Variants in EVI5 observed in about 807,000 individuals in gnomAD.
EVI5 encodes ecotropic viral integration site 5 protein homolog.
EVI5 carries 73 observed loss-of-function variants against 112.0 expected under a neutral mutation model. The observed-to-expected ratio is 0.65, with a 90% CI of 0.54 to 0.79. EVI5 has a LOEUF of 0.79. EVI5 is among the 30% of genes least tolerant of loss of function. The pLI, the probability that EVI5 is intolerant of heterozygous loss-of-function variation, is 0.00. For missense variants in EVI5, 900 were observed against 968.8 expected (o/e 0.93, Z 0.94); for synonymous variants, 305 against 319.9 (o/e 0.95, Z 0.50).
Position 92,633,195 on chromosome 1 carries a change from C to G in EVI5, c.1527+3007G>C, listed in dbSNP as rs534948729. Among the ~76,000 whole-genome samples, 360 of 152,224 alleles carry G rather than the reference C, an allele frequency of 2.4e-3. 1 individual carries two copies. The highest frequency in any genetic ancestry group is 7.4e-3 in the African/African-American group (308 of 41,546). The stretch of plus-strand genomic sequence containing the variant: ...CTGTAGATGTCTATTAGGTCCACTT[C>G]GTGCAGAGCTGAGTTCAATTCCTGG... On this transcript the variant is annotated intron_variant, in intron 14 of 19. Coordinates refer to ENST00000684568, the MANE Select transcript of EVI5 (RefSeq NM_001350197.2).
chr1:92,618,984 G>T (rs1316533645), intron 16 of EVI5, among the ~76,000 whole-genome samples: 6 of 152,086 alleles, frequency 3.9e-5, no homozygotes, highest in Non-Finnish European at 7.4e-5. Flanking sequence ...ATTATGTTAG[G>T]CATAATTATT....
At chr1:92,565,384 T>C (rs535579747) in intron 18 of EVI5, among the ~76,000 whole-genome samples, 5 of 152,326 alleles carry the variant, frequency 3.3e-5, no homozygotes, top group Admixed American at 2.6e-4. Context: ...AAGATACACA[T>C]TCTAACTTTA....
chr1:92,676,968 G>C (rs1224347752), intron 10 of EVI5, among the ~76,000 whole-genome samples, 190 bp downstream of exon 10: 2 of 152,128 alleles, frequency 1.3e-5, no homozygotes, highest in African/African-American at 4.8e-5. Context: ...GGAAGAGCTT[G>C]CTCTCCTTCA....
chr1:92,623,069 T>G (rs1571942256), intron 16 of EVI5, among the ~76,000 whole-genome samples: 1 of 37,744 alleles, frequency 2.6e-5, no homozygotes, highest in East Asian at 1.1e-3. Context: ...CAACAATGGC[T>G]TAAAAGCTGT....
intron 16 of EVI5, 21 bp from the exon 17 acceptor site, chr1:92,607,748 T>C (rs1650766358): frequency 1.3e-6 from 2 of 1,541,820 alleles, no homozygotes; most frequent in East Asian, 2.3e-5. Context: ...GAAATATAAA[T>C]ACTGAGACTA....
At chr1:92,783,521 A>C (rs1311219675) in intron 1 of EVI5, among the ~76,000 whole-genome samples, 1 of 150,974 alleles carries the variant, frequency 6.6e-6, no homozygotes, top group East Asian at 1.9e-4. Flanking sequence ...AAGAAAAGAA[A>C]AGAAAAAGAA....
At position 92,569,584 on chromosome 1, in the gene EVI5, G is replaced by A. The variant is rs377460692; in HGVS notation, c.2071-5847C>T. 5.9e-5 allele frequency among the ~76,000 whole-genome samples: 9 copies of A among 152,096 alleles called. No homozygotes were observed. The East Asian group carries it at 1.4e-3, about 23-fold the overall frequency. On this transcript the variant is annotated intron_variant, in intron 18 of 19. Coordinates refer to ENST00000684568, the MANE Select transcript of EVI5 (RefSeq NM_001350197.2). ...AAATGAAATATTTTGGGCCAGGCGCGGTGGCTCATGCCTGAAATCCCAGCA... is the reference window on the plus strand; with the variant it reads ...AAATGAAATATTTTGGGCCAGGCGCAGTGGCTCATGCCTGAAATCCCAGCA...
chr1:92,517,361 G>A (rs1660083809), intron 19 of EVI5, among the ~76,000 whole-genome samples: 1 of 152,114 alleles, frequency 6.6e-6, no homozygotes, highest in Non-Finnish European at 1.5e-5. Context: ...TACAGAACTT[G>A]AGCATCCATG....
At chr1:92,528,979 T>C (rs929730788) in intron 19 of EVI5, among the ~76,000 whole-genome samples, 5 of 152,186 alleles carry the variant, frequency 3.3e-5, no homozygotes, top group African/African-American at 4.8e-5. Context: ...TAAGAAATAA[T>C]ATCTATAAAA....
At position 92,695,891 on chromosome 1, in the gene EVI5, A is replaced by G. The variant is rs186542801; in HGVS notation, c.766-438T>C. On this transcript the variant is annotated intron_variant, in intron 6 of 19. Coordinates refer to ENST00000684568, the MANE Select transcript of EVI5 (RefSeq NM_001350197.2). The stretch of plus-strand genomic sequence containing the variant: ...AAAGAATAGGAAAAATATTCAAAAT[A>G]CAGATGTTTCAGCAACTCTAGTAAT... Among the ~76,000 whole-genome samples the G allele has an allele frequency of 2.6e-5, 4 of 152,248 alleles. No homozygotes were observed. In the East Asian group the frequency reaches 7.7e-4, roughly 29 times the overall value.
chr1:92,553,818 T>A (rs1345364022), intron 19 of EVI5, among the ~76,000 whole-genome samples: 1 of 152,202 alleles, frequency 6.6e-6, no homozygotes, highest in Non-Finnish European at 1.5e-5. Flanking sequence ...GAGAAACATA[T>A]TGCCTTGGAG....
chr1:92,596,529 ATAAT>A (rs1647928378), intron 18 of EVI5, among the ~76,000 whole-genome samples: 1 of 152,226 alleles, frequency 6.6e-6, no homozygotes, highest in Admixed American at 6.5e-5. Flanking sequence ...GTATCCTGGA[ATAAT>A]TAAAGTTGTT....
At chr1:92,780,394 A>G (rs1684710350) in intron 1 of EVI5, among the ~76,000 whole-genome samples, 1 of 152,292 alleles carries the variant, frequency 6.6e-6, no homozygotes, top group Non-Finnish European at 1.5e-5. Flanking sequence ...GCTGAAAGCC[A>G]AGGGGTTAAA....
chr1:92,594,060 G>GA (rs1239765063), intron 18 of EVI5, among the ~76,000 whole-genome samples: 2 of 151,958 alleles, frequency 1.3e-5, no homozygotes, highest in Non-Finnish European at 2.9e-5. Context: ...CACAGAACTG[G>GA]AAAAAACTAA....
chr1:92,613,583 C>T (rs891478262), intron 16 of EVI5, among the ~76,000 whole-genome samples: 5 of 151,996 alleles, frequency 3.3e-5, no homozygotes, highest in Non-Finnish European at 7.4e-5. Context: ...AGCCACCACG[C>T]CCAGCCATTT....
chr1:92,771,324 C>A (rs1408045341), intron 1 of EVI5, among the ~76,000 whole-genome samples: 1 of 152,074 alleles, frequency 6.6e-6, no homozygotes, highest in Non-Finnish European at 1.5e-5. Context: ...TTCCTACACA[C>A]ACTCCCAGAG....
intron 10 of EVI5, among the ~76,000 whole-genome samples, chr1:92,675,179 C>T (rs1016182617): frequency 6.6e-6 from 1 of 152,108 alleles, no homozygotes; most frequent in Non-Finnish European, 1.5e-5. Flanking sequence ...CCTGTCTCTA[C>T]CGAAAATACA....
chr1:92,743,081 G>C (rs1276034392), intron 1 of EVI5, among the ~76,000 whole-genome samples: 1 of 152,242 alleles, frequency 6.6e-6, no homozygotes. Context: ...GGCCAAGCGT[G>C]ATGGCTCACG....
At chr1:92,608,166 A>AAAATAAAT (rs538606553) in intron 16 of EVI5, among the ~76,000 whole-genome samples, 2 of 151,814 alleles carry the variant, frequency 1.3e-5, no homozygotes, top group African/African-American at 4.8e-5. Flanking sequence ...AAAAAAATTA[A>AAAATAAAT]AAATAAATAA....
Sources: gnomAD v4.1 joint callset for allele counts (sites outside exome capture counted in the v4.1 genomes callset) on GRCh38, gnomAD v4.1.1 for gene constraint, MANE v1.5 for transcripts, NCBI Gene and HGNC (gene_info 2026-07-23, HGNC 2026-07-21) for gene names.